KIF13B: variants seen among roughly 807,000 people sequenced by gnomAD.
KIF13B encodes the protein kinesin-like protein KIF13B.
KIF13B carries 127 observed loss-of-function variants against 222.0 expected under a neutral mutation model. That is an observed-to-expected ratio of 0.57 (90% CI 0.50 to 0.66). The LOEUF (loss-of-function observed/expected upper bound fraction) is 0.66. Among genes scored for constraint, KIF13B ranks in the 30% least tolerant of loss-of-function variants. The pLI, the probability that KIF13B is intolerant of heterozygous loss-of-function variation, is 0.00. For synonymous variants in KIF13B, 976 were observed against 919.0 expected, an observed-to-expected ratio of 1.06 and a Z score of -1.12; for missense variants, 2,173 against 2,379.0, an observed-to-expected ratio of 0.91 and a Z score of 1.80.
intron 2 of KIF13B, among the ~76,000 whole-genome samples, chr8:29,200,891 C>T (rs1348151898): frequency 6.6e-6 from 1 of 152,158 alleles, no homozygotes; most frequent in African/African-American, 2.4e-5. Context: ...AGTCACATTG[C>T]GCCCTCCTTG....
chr8:29,219,023 G>A (rs377549713), intron 2 of KIF13B: 5 of 152,376 alleles, frequency 3.3e-5, no homozygotes, highest in East Asian at 3.9e-4. Flanking sequence ...GGAGTTGGAA[G>A]GTCATGTCTG....
At chr8:29,092,621 T>G in intron 37 of KIF13B, 124 bp downstream of exon 37, 1 of 974,724 alleles carries the variant, frequency 1.0e-6, no homozygotes, top group Non-Finnish European at 1.5e-6. Context: ...GACAGCTGTT[T>G]CTGGGTTTAA....
chr8:29,127,310 ATTTCCAAAAATTTGAT>A, intron 24 of KIF13B, 42 bp from the exon 25 acceptor site: 1 of 1,579,426 alleles, frequency 6.3e-7, no homozygotes. Context: ...CAGTGTCTTG[ATTTCCAAAAATTTGAT>A]TTAGAGAGAC....
rs1241427334 is a variant in KIF13B at position 29,148,085 on chromosome 8, A to G, written c.1814-483T>C. 3.9e-5 allele frequency among the ~76,000 whole-genome samples: 6 copies of G among 152,212 alleles called. No homozygotes were observed. The East Asian group carries it at 1.2e-3, about 29-fold the overall frequency. On this transcript the variant is annotated intron_variant, in intron 16 of 39. Coordinates refer to ENST00000524189, the MANE Select transcript of KIF13B (RefSeq NM_015254.4). The stretch of plus-strand genomic sequence containing the variant: ...TGGTGGTGTGCACGCCTGTCATCCC[A>G]GCTACTCAGGAGGCTGAGGCAGGAG...
chr8:29,123,990 C>T, intron 27 of KIF13B, 34 bp downstream of exon 27: 1 of 1,311,660 alleles, frequency 7.6e-7, no homozygotes, highest in Non-Finnish European at 1.1e-6. Flanking sequence ...CATTGATTTG[C>T]AGGGGAGAAA....
intron 2 of KIF13B, among the ~76,000 whole-genome samples, chr8:29,240,098 C>A (rs1815701177): frequency 6.7e-6 from 1 of 149,912 alleles, no homozygotes; most frequent in Non-Finnish European, 1.5e-5. Flanking sequence ...CTTTCTCCCC[C>A]AAGCTAAGTG....
chr8:29,243,751 C>T (rs1032050435), intron 2 of KIF13B, among the ~76,000 whole-genome samples: 1 of 152,090 alleles, frequency 6.6e-6, no homozygotes, highest in South Asian at 2.1e-4. Context: ...TATCTGGGTG[C>T]CACTTATATT....
At chr8:29,196,310 A>G in intron 2 of KIF13B, 111 bp from the exon 3 acceptor site, 3 of 860,686 alleles carry the variant, frequency 3.5e-6, no homozygotes, top group Non-Finnish European at 5.5e-6. Context: ...ACATTATGTA[A>G]ATTCACAGTA....
chr8:29,100,693 G>A (rs989162400), intron 35 of KIF13B, among the ~76,000 whole-genome samples: 11 of 152,068 alleles, frequency 7.2e-5, no homozygotes, highest in Non-Finnish European at 8.8e-5. Context: ...CAGGTGATCC[G>A]CCCGCCTCGG....
intron 2 of KIF13B, among the ~76,000 whole-genome samples, chr8:29,222,351 C>T (rs1458370536): frequency 2.6e-5 from 4 of 151,926 alleles, no homozygotes; most frequent in East Asian, 1.9e-4. Context: ...AGCAAGACCC[C>T]GTCTCAAAAA....
chr8:29,090,137 T>C (rs1808227626), intron 37 of KIF13B, among the ~76,000 whole-genome samples: 2 of 152,292 alleles, frequency 1.3e-5, no homozygotes, highest in South Asian at 2.1e-4. Context: ...TCTGGCTTAG[T>C]ACTGGTGAGC....
chr8:29,099,444 T>C (rs897692620), intron 35 of KIF13B, among the ~76,000 whole-genome samples: 2 of 152,154 alleles, frequency 1.3e-5, no homozygotes, highest in Non-Finnish European at 2.9e-5. Context: ...TGCGCCATCA[T>C]AGCGCATGTA....
intron 36 of KIF13B, among the ~76,000 whole-genome samples, chr8:29,097,739 T>C (rs1462766934): frequency 6.6e-6 from 1 of 151,918 alleles, no homozygotes; most frequent in Non-Finnish European, 1.5e-5. Context: ...TCAATTGCAA[T>C]AGAAAAAGCC....
At position 29,127,243 on chromosome 8, in the gene KIF13B, T is replaced by G. The variant is rs1586815058; in HGVS notation, c.3101A>C (p.Glu1034Ala). The G allele has an allele frequency of 1.2e-6, 2 of 1,613,974 alleles. No homozygotes were observed. Among genetic ancestry groups the G allele is most frequent in the Non-Finnish European group, 1.7e-6 (2 of 1,179,870 alleles). The change falls in exon 25 of 40, where the codon GAA (glutamate) becomes GCA (alanine). Residue 1034 changes from glutamate (E) to alanine (A), a missense_variant. Glu to Ala is a moderately radical substitution (Grantham distance 107, BLOSUM62 -1). This residue lies in a region of KIF13B where 1,480 missense variants were observed against 1,722.8 expected (regional missense o/e 0.86). Coordinates refer to ENST00000524189, the MANE Select transcript of KIF13B (RefSeq NM_015254.4). ...CCCAGATTCCTGCACTGACTTCACT[T>G]CGACTTGAACTCTCCGGGACTGCCC... The part of the protein sequence containing the change: ...RQGQSRRVQV[E>A]VKSVQESGTL...
chr8:29,261,838 G>C (rs1032731179), intron 1 of KIF13B, among the ~76,000 whole-genome samples: 8 of 152,078 alleles, frequency 5.3e-5, no homozygotes, highest in African/African-American at 1.9e-4. Context: ...ATTTCCCCGA[G>C]AAGGACAAAC....
intron 10 of KIF13B, among the ~76,000 whole-genome samples, chr8:29,171,439 G>A (rs1812233273): frequency 1.3e-5 from 2 of 152,018 alleles, no homozygotes; most frequent in East Asian, 1.9e-4. Flanking sequence ...AAAAAAAGAC[G>A]CTGTGAAACT....
Position 29,071,780 on chromosome 8 carries a change from G to A in KIF13B, c.5058C>T (p.Ala1686=), listed in dbSNP as rs1807289202. ...CAGCTTCCTCGGAATCAGAGGCCAG[G>A]GCCTGTCCCCCGGCGCCCGGGGCCG... ...NAPAPGAGGQ[A]LASDSEEADE... Residue 1686 remains alanine (A), a synonymous_variant, in exon 39 of 40, where the codon GCC becomes GCT. Coordinates refer to ENST00000524189, the MANE Select transcript of KIF13B (RefSeq NM_015254.4). The surrounding 1 kb of genome is among the most constrained non-coding windows in gnomAD (Gnocchi z 4.9). 3.2e-6 allele frequency: 5 copies of A among 1,548,520 alleles called. No homozygotes were observed. The highest frequency in any genetic ancestry group is 4.4e-6 in the Non-Finnish European group (5 of 1,146,482).
intron 1 of KIF13B, among the ~76,000 whole-genome samples, chr8:29,259,941 A>G (rs2117186577): frequency 6.6e-6 from 1 of 152,396 alleles, no homozygotes; most frequent in South Asian, 2.1e-4. Context: ...GTAAAATTAC[A>G]TACACGTGTG....
At chr8:29,217,924 T>C (rs968285521) in intron 2 of KIF13B, among the ~76,000 whole-genome samples, 2 of 152,236 alleles carry the variant, frequency 1.3e-5, no homozygotes, top group Admixed American at 1.3e-4. Flanking sequence ...CACTCACTAA[T>C]ATTCAGTGTG....
Sources: allele counts gnomAD v4.1 joint callset (sites outside exome capture counted in the v4.1 genomes callset), GRCh38; gene constraint gnomAD v4.1.1; regional missense constraint gnomAD v4.1.1; non-coding constraint Gnocchi (gnomAD v3.1); transcripts MANE v1.5; gene names NCBI Gene and HGNC (gene_info 2026-07-23, HGNC 2026-07-21).